The following CSMD3 variants were observed in gnomAD, a reference collection of about 807,000 sequenced individuals.
CSMD3 encodes the protein CUB and Sushi multiple domains 3.
Under a neutral mutation model 435.2 loss-of-function variants are expected in CSMD3, and 177 were observed. The ratio of observed to expected loss-of-function variants is 0.41; its 90% CI spans 0.36 to 0.46. The LOEUF is 0.46. Among genes scored for constraint, CSMD3 ranks in the 20% least tolerant of loss-of-function variants. The pLI is 0.34. For missense variants in CSMD3, 4,265 were observed against 4,504.6 expected (o/e 0.95, Z 1.52); for synonymous variants, 1,656 against 1,520.5 (o/e 1.09, Z -2.07).
At chr8:112,899,998 A>G (rs1554713450) in intron 10 of CSMD3, among the ~76,000 whole-genome samples, 2 of 151,128 alleles carry the variant, frequency 1.3e-5, no homozygotes, top group Non-Finnish European at 3.0e-5. Flanking sequence ...CTGATTTCTT[A>G]TTTGTAATTC....
chr8:112,378,941 T>A (rs1459856498), intron 38 of CSMD3, among the ~76,000 whole-genome samples: 1 of 151,918 alleles, frequency 6.6e-6, no homozygotes, highest in Admixed American at 6.6e-5. Context: ...TTATTATGTA[T>A]CAGTAATGTT....
intron 13 of CSMD3, among the ~76,000 whole-genome samples, chr8:112,723,043 A>AC (rs1563895535): frequency 6.6e-6 from 1 of 152,124 alleles, no homozygotes; most frequent in Non-Finnish European, 1.5e-5. Context: ...AGTAGCAAAA[A>AC]AAAAAAAACC....
chr8:112,622,029 A>G (rs528134752), intron 22 of CSMD3, among the ~76,000 whole-genome samples: 1 of 152,198 alleles, frequency 6.6e-6, no homozygotes, highest in Non-Finnish European at 1.5e-5. Context: ...TCTAGCTAGC[A>G]TATAAAAGCA....
At chr8:113,217,575 T>G (rs2092919473) in intron 3 of CSMD3, among the ~76,000 whole-genome samples, 1 of 151,670 alleles carries the variant, frequency 6.6e-6, no homozygotes, top group African/African-American at 2.4e-5. Context: ...AATGAATAAT[T>G]TATTAAGAGA....
intron 11 of CSMD3, among the ~76,000 whole-genome samples, chr8:112,841,571 T>C (rs2080179401): frequency 6.6e-6 from 1 of 151,850 alleles, no homozygotes; most frequent in Non-Finnish European, 1.5e-5. Flanking sequence ...GTTAGCACAT[T>C]TGTCTTTCTA....
Position 112,290,926 on chromosome 8 carries a change from C to A in CSMD3, c.8974+584G>T, listed in dbSNP as rs1819699509. ...ATTATTTTTCTCACTACGTGTGTTA[C>A]TTTAAGCATCTTGGCTGTAATCTAT... On this transcript the variant is annotated intron_variant, in intron 56 of 70. Coordinates refer to ENST00000297405, the MANE Select transcript of CSMD3 (RefSeq NM_198123.2). 3.3e-5 allele frequency among the ~76,000 whole-genome samples: 5 copies of A among 151,990 alleles called. No homozygotes were observed. The South Asian group carries it at 6.2e-4, about 19-fold the overall frequency.
intron 5 of CSMD3, among the ~76,000 whole-genome samples, chr8:113,076,572 T>C (rs2089346195): frequency 6.6e-6 from 1 of 152,066 alleles, no homozygotes; most frequent in Admixed American, 6.6e-5. Context: ...TAATTAAGAT[T>C]ACCCAGTAAT....
chr8:112,430,804 GC>G (rs1010411471), intron 32 of CSMD3, among the ~76,000 whole-genome samples: 16 of 151,966 alleles, frequency 1.1e-4, no homozygotes, highest in Admixed American at 1.1e-3. Context: ...GTAATATGGA[GC>G]CACATTAGCC....
chr8:112,572,328 G>T (rs1320807179), intron 24 of CSMD3, among the ~76,000 whole-genome samples: 1 of 152,046 alleles, frequency 6.6e-6, no homozygotes, highest in East Asian at 1.9e-4. Context: ...GTTAATGTTA[G>T]TGATGTAAAA....
At chr8:112,593,212 T>C (rs1222171885) in intron 22 of CSMD3, among the ~76,000 whole-genome samples, 1 of 152,142 alleles carries the variant, frequency 6.6e-6, no homozygotes, top group Non-Finnish European at 1.5e-5. Context: ...AGAAGAGTTT[T>C]AAAAAGAGAA....
intron 3 of CSMD3, among the ~76,000 whole-genome samples, chr8:113,220,261 C>A (rs186520881): frequency 1.3e-5 from 2 of 151,508 alleles, no homozygotes; most frequent in Admixed American, 6.6e-5. Context: ...AATTTATTCT[C>A]TTAACATTTT....
chr8:112,245,668 G>C (rs1345600249), intron 64 of CSMD3, among the ~76,000 whole-genome samples: 1 of 152,108 alleles, frequency 6.6e-6, no homozygotes, highest in Non-Finnish European at 1.5e-5. Flanking sequence ...CTCCTGAGGA[G>C]CTGGGACTAC....
At chr8:112,871,985 A>G (rs1366693880) in intron 10 of CSMD3, among the ~76,000 whole-genome samples, 1 of 152,034 alleles carries the variant, frequency 6.6e-6, no homozygotes. Context: ...AATATAGTGT[A>G]TGATATAATC....
At chr8:113,278,887 T>G (rs1588430678) in intron 2 of CSMD3, among the ~76,000 whole-genome samples, 183 bp from the exon 3 acceptor site, 3 of 151,728 alleles carry the variant, frequency 2.0e-5, no homozygotes, top group African/African-American at 7.3e-5. Flanking sequence ...ACTTCAGCCC[T>G]CCAGACTGCA....
intron 22 of CSMD3, among the ~76,000 whole-genome samples, chr8:112,627,378 T>A (rs1382206547): frequency 6.6e-6 from 1 of 152,086 alleles, no homozygotes; most frequent in Admixed American, 6.6e-5. Context: ...AAGAGCAAGT[T>A]TTTCTGGCAC....
intron 13 of CSMD3, among the ~76,000 whole-genome samples, chr8:112,733,915 A>C (rs1287795995): frequency 1.3e-5 from 2 of 152,014 alleles, no homozygotes; most frequent in African/African-American, 2.4e-5. Context: ...GACTTAATTA[A>C]TTTCTCCAGA....
At chr8:113,016,259 A>C (rs192152451) in intron 6 of CSMD3, among the ~76,000 whole-genome samples, 58 of 152,030 alleles carry the variant, frequency 3.8e-4, no homozygotes, top group Admixed American at 2.7e-3. Flanking sequence ...CATTTTTAAT[A>C]CTTTTGAATT....
At chr8:113,103,531 A>G (rs189824643) in intron 4 of CSMD3, among the ~76,000 whole-genome samples, 2 of 152,252 alleles carry the variant, frequency 1.3e-5, no homozygotes, top group African/African-American at 4.8e-5. Flanking sequence ...GACTAAAACT[A>G]TTAACCCTTT....
At position 112,761,086 on chromosome 8, in the gene CSMD3, G is replaced by A. The variant is rs144959740; in HGVS notation, c.1972+39076C>T. Among the ~76,000 whole-genome samples the A allele has an allele frequency of 9.9e-3, 1,514 of 152,168 alleles. 19 individuals carry two copies. The highest frequency in any genetic ancestry group is 0.024 in the Middle Eastern group (7 of 294). On this transcript the variant is annotated intron_variant, in intron 13 of 70. Coordinates refer to ENST00000297405, the MANE Select transcript of CSMD3 (RefSeq NM_198123.2). ...TTCAACAGAAGCAGACACAATCTCT[G>A]TTCCAATTTTCCATGGGACACCTTC...
Sources: gnomAD v4.1 joint callset for allele counts (sites outside exome capture counted in the v4.1 genomes callset) on GRCh38, gnomAD v4.1.1 for gene constraint, MANE v1.5 for transcripts, NCBI Gene and HGNC (gene_info 2026-07-23, HGNC 2026-07-21) for gene names.